SEMA3C: variants seen among roughly 807,000 people sequenced by gnomAD.
SEMA3C encodes the protein semaphorin 3C.
SEMA3C carries 47 observed loss-of-function variants against 89.4 expected under a neutral mutation model. That is an observed-to-expected ratio of 0.53 (90% CI 0.42 to 0.67). The LOEUF is 0.67. Among genes scored for constraint, SEMA3C ranks in the 30% least tolerant of loss-of-function variants. SEMA3C has a pLI of 0.00. For synonymous variants in SEMA3C, 310 were observed against 320.2 expected (o/e 0.97, Z 0.34); for missense variants, 839 against 929.1 (o/e 0.90, Z 1.26).
intron 2 of SEMA3C, among the ~76,000 whole-genome samples, chr7:80,835,838 CCACA>C (rs1303319358): frequency 1.3e-5 from 2 of 152,080 alleles, no homozygotes; most frequent in Admixed American, 6.6e-5. Flanking sequence ...TACTCTAGTC[CCACA>C]CACAAAGGAA....
chr7:80,868,785 G>C (rs1248111401), intron 2 of SEMA3C, among the ~76,000 whole-genome samples: 6 of 152,116 alleles, frequency 3.9e-5, no homozygotes, highest in Non-Finnish European at 5.9e-5. Context: ...TGATTACTGT[G>C]TGGTTATACA....
At chr7:80,778,763 C>G (rs1309412353) in intron 12 of SEMA3C, among the ~76,000 whole-genome samples, 2 of 152,180 alleles carry the variant, frequency 1.3e-5, no homozygotes, top group African/African-American at 4.8e-5. Context: ...TAACCTACTA[C>G]CAGGGCACTC....
intron 2 of SEMA3C, among the ~76,000 whole-genome samples, chr7:80,885,061 A>G (rs183006104): frequency 4.2e-4 from 64 of 152,302 alleles, no homozygotes; most frequent in Admixed American, 3.4e-3. Context: ...TCATAAGATT[A>G]TCGTTTTGTG....
chr7:80,920,356 T>A (rs968776946), upstream of SEMA3C, among the ~76,000 whole-genome samples: 3 of 152,208 alleles, frequency 2.0e-5, no homozygotes, highest in African/African-American at 7.2e-5. Flanking sequence ...TGGAGTGTAA[T>A]ATCTCCACCT....
intron 15 of SEMA3C, among the ~76,000 whole-genome samples, chr7:80,756,763 C>T (rs1438406343): frequency 1.3e-5 from 2 of 152,110 alleles, no homozygotes; most frequent in African/African-American, 4.8e-5. Context: ...CGTCTTGGTG[C>T]CATTCCACAT....
chr7:80,752,234 T>C (rs1029843389), intron 15 of SEMA3C, among the ~76,000 whole-genome samples: 1 of 152,202 alleles, frequency 6.6e-6, no homozygotes, highest in Non-Finnish European at 1.5e-5. Context: ...ATATCTCTTA[T>C]GGATTTAAGT....
intron 16 of SEMA3C, 126 bp downstream of exon 16, chr7:80,751,143 G>A (rs1442283618): frequency 2.7e-6 from 2 of 729,016 alleles, no homozygotes; most frequent in African/African-American, 3.5e-5. Flanking sequence ...TAAATACCCA[G>A]AATTGTTATA....
intron 12 of SEMA3C, among the ~76,000 whole-genome samples, chr7:80,781,954 C>G (rs1465260733): frequency 2.6e-5 from 4 of 151,948 alleles, no homozygotes; most frequent in Non-Finnish European, 5.9e-5. Context: ...CATGATATTC[C>G]AAACTCTCCA....
chr7:80,825,997 T>C (rs1205857255), intron 4 of SEMA3C, among the ~76,000 whole-genome samples: 2 of 152,080 alleles, frequency 1.3e-5, no homozygotes, highest in African/African-American at 2.4e-5. Flanking sequence ...ATAGCAAATA[T>C]GCCCCTGCAA....
chr7:80,824,340 T>G (rs1789822467), intron 4 of SEMA3C, among the ~76,000 whole-genome samples: 1 of 152,166 alleles, frequency 6.6e-6, no homozygotes, highest in South Asian at 2.1e-4. Flanking sequence ...AAACTCATCA[T>G]CTACTGTGTC....
intron 10 of SEMA3C, among the ~76,000 whole-genome samples, chr7:80,799,059 A>C (rs1583888027): frequency 2.0e-5 from 3 of 152,158 alleles, no homozygotes; most frequent in South Asian, 2.1e-4. Context: ...AACAAGAAAA[A>C]TCGTTTTATT....
At chr7:80,761,053 T>C (rs1788171913) in intron 14 of SEMA3C, among the ~76,000 whole-genome samples, 1 of 152,136 alleles carries the variant, frequency 6.6e-6, no homozygotes, top group South Asian at 2.1e-4. Context: ...AGACAATTAA[T>C]TTGAGGATTT....
chr7:80,869,653 A>G (rs1562915658), intron 2 of SEMA3C, among the ~76,000 whole-genome samples: 1 of 152,186 alleles, frequency 6.6e-6, no homozygotes, highest in Non-Finnish European at 1.5e-5. Context: ...TTTTTGATTA[A>G]CATGTTTTCC....
chr7:80,866,069 T>C (rs1162941913), intron 2 of SEMA3C, among the ~76,000 whole-genome samples: 1 of 152,224 alleles, frequency 6.6e-6, no homozygotes, highest in African/African-American at 2.4e-5. Flanking sequence ...TTTATGTAAA[T>C]ATTGGAATGA....
chr7:80,782,420 C>A (rs912006169), intron 12 of SEMA3C, among the ~76,000 whole-genome samples: 12 of 152,018 alleles, frequency 7.9e-5, no homozygotes, highest in African/African-American at 2.9e-4. Context: ...TGACTGTCAA[C>A]ACATCAGGGA....
intron 2 of SEMA3C, among the ~76,000 whole-genome samples, chr7:80,888,931 T>C (rs915271402): frequency 6.6e-6 from 1 of 152,318 alleles, no homozygotes; most frequent in African/African-American, 2.4e-5. Context: ...GGGCGCGATC[T>C]CTGCTCACTG....
intron 15 of SEMA3C, among the ~76,000 whole-genome samples, chr7:80,754,086 C>T (rs184189990): frequency 9.3e-4 from 141 of 152,172 alleles, no homozygotes; most frequent in Middle Eastern, 3.4e-3. Context: ...TACAGGCATG[C>T]GCCACCATGC....
Position 80,802,754 on chromosome 7 carries a change from A to G in SEMA3C, c.827T>C (p.Leu276Pro). 4 of 1,613,090 alleles carry G rather than the reference A, an allele frequency of 2.5e-6. No individual in the cohort carries two copies. Among genetic ancestry groups the G allele is most frequent in the Non-Finnish European group, 3.4e-6 (4 of 1,179,202 alleles). ...TAAGAAAGTGGTCCACTTGTTGACAAGGCTACGCAGTCCACCAGTGTCATT... is the reference window on the plus strand; with the variant it reads ...TAAGAAAGTGGTCCACTTGTTGACAGGGCTACGCAGTCCACCAGTGTCATT... ...CPNDTGGLRS[L>P]VNKWTTFLKA... Residue 276 changes from leucine to proline, a missense_variant, in exon 9 of 18, where the codon CTT becomes CCT. Transcript: ENST00000265361.
rs1789935243 is a variant in SEMA3C at position 80,828,573 on chromosome 7, T to C, written c.264+12A>G. On this transcript the variant is annotated intron_variant, in intron 3 of 17. Coordinates refer to ENST00000265361, the MANE Select transcript of SEMA3C (RefSeq NM_006379.5). ...AAGGTGGACACTGTCCTCGTGAAAG[T>C]GATAAACTTACACTCAAAGCTTCTT... 6.3e-7 allele frequency: 1 copy of C among 1,595,582 alleles called. No individual in the cohort carries two copies. The highest frequency in any genetic ancestry group is 8.5e-7 in the Non-Finnish European group (1 of 1,169,674).
Sources: gnomAD v4.1 joint callset for allele counts (sites outside exome capture counted in the v4.1 genomes callset) on GRCh38, gnomAD v4.1.1 for gene constraint, MANE v1.5 for transcripts, NCBI Gene and HGNC (gene_info 2026-07-23, HGNC 2026-07-21) for gene names.